Variants in TMEM17 observed in about 807,000 individuals in gnomAD.
The protein encoded by TMEM17 is transmembrane protein 17.
A neutral mutation model predicts 19.1 loss-of-function variants in TMEM17; 15 were observed. The ratio of observed to expected loss-of-function variants is 0.78; its 90% confidence interval spans 0.52 to 1.21. The LOEUF is 1.21. Ranked by LOEUF, TMEM17 falls within the 50% of genes most tolerant of loss-of-function variation. The probability of loss-of-function intolerance (pLI) is 0.00; values close to 1 mark genes in which losing one functional copy is unlikely to be tolerated. For synonymous variants in TMEM17, 103 were observed against 86.9 expected, an observed-to-expected ratio of 1.19 and a Z score of -1.03; for missense variants, 245 against 242.3, an observed-to-expected ratio of 1.01 and a Z score of -0.07.
At chr2:62,489,990 C>T in the TMEM17 span, among the ~76,000 whole-genome samples, 1 of 152,026 alleles carries the variant, frequency 6.6e-6, no homozygotes, top group Admixed American at 6.6e-5. Context: ...GCCTAGCCAA[C>T]ACAGTGAAAC....
chr2:62,473,676 C>T, the TMEM17 span, among the ~76,000 whole-genome samples: 1 of 152,168 alleles, frequency 6.6e-6, no homozygotes. Context: ...AGCAGGTGGG[C>T]AGACCACAGC....
the TMEM17 span, among the ~76,000 whole-genome samples, chr2:62,485,745 C>G: frequency 2.0e-5 from 3 of 152,046 alleles, no homozygotes; most frequent in African/African-American, 7.2e-5. Context: ...TTGGAGACAC[C>G]AACAGAAGAC....
At chr2:62,503,563 A>T (rs11892686) in intron 1 of TMEM17, among the ~76,000 whole-genome samples, 4,753 of 152,308 alleles carry the variant, frequency 0.031, 191 homozygotes, top group African/African-American at 0.095. Context: ...TTCATCTGTA[A>T]AATAGTGAAA....
At chr2:62,473,084 C>T in the TMEM17 span, among the ~76,000 whole-genome samples, 1 of 152,176 alleles carries the variant, frequency 6.6e-6, no homozygotes, top group Non-Finnish European at 1.5e-5. Context: ...GGTGGCTTCT[C>T]ACCTAGAGAT....
chr2:62,476,046 C>T, the TMEM17 span, among the ~76,000 whole-genome samples: 2 of 152,214 alleles, frequency 1.3e-5, no homozygotes, highest in African/African-American at 4.8e-5. Flanking sequence ...CCACTGCCTG[C>T]GTGCCCAGCA....
the TMEM17 span, among the ~76,000 whole-genome samples, chr2:62,471,858 T>G: frequency 7.2e-5 from 11 of 152,256 alleles, no homozygotes. Context: ...GTCTGAACTC[T>G]TCTCCACGGG....
chr2:62,502,402 T>C (rs763525632), intron 3 of TMEM17, 35 bp downstream of exon 3: 1 of 1,400,390 alleles, frequency 7.1e-7, no homozygotes, highest in East Asian at 2.3e-5. Context: ...ATTTCATTTA[T>C]ATCTATCACT....
intron 1 of TMEM17, 127 bp downstream of exon 1, chr2:62,505,903 C>A: frequency 7.3e-6 from 7 of 964,332 alleles, no homozygotes; most frequent in Non-Finnish European, 1.1e-5. Context: ...AAGGCGCTCT[C>A]CCGCACTGCG....
downstream of TMEM17, among the ~76,000 whole-genome samples, chr2:62,496,674 T>C (rs1029652283): frequency 6.6e-6 from 1 of 152,256 alleles, no homozygotes; most frequent in Non-Finnish European, 1.5e-5. Flanking sequence ...GATTTTTCTT[T>C]ACTCTCAAAT....
chr2:62,476,607 A>G, the TMEM17 span, among the ~76,000 whole-genome samples: 1 of 152,256 alleles, frequency 6.6e-6, no homozygotes, highest in Non-Finnish European at 1.5e-5. Flanking sequence ...ATCAGGGACT[A>G]TCTGTATGTA....
chr2:62,488,035 T>C, the TMEM17 span, among the ~76,000 whole-genome samples: 1 of 152,194 alleles, frequency 6.6e-6, no homozygotes, highest in Non-Finnish European at 1.5e-5. Flanking sequence ...AGTTAAGCTA[T>C]GGGCCACGGT....
chr2:62,503,062 G>A (rs879485033), intron 1 of TMEM17, among the ~76,000 whole-genome samples: 2 of 151,974 alleles, frequency 1.3e-5, no homozygotes, highest in Non-Finnish European at 2.9e-5. Flanking sequence ...TATACTACTG[G>A]TATAGATTTA....
chr2:62,482,783 T>C, the TMEM17 span, among the ~76,000 whole-genome samples: 3 of 152,326 alleles, frequency 2.0e-5, no homozygotes, highest in Middle Eastern at 3.4e-3. Context: ...TTTGGGACCC[T>C]TGATGCAGCC....
chr2:62,486,616 A>T, the TMEM17 span, among the ~76,000 whole-genome samples: 3 of 152,178 alleles, frequency 2.0e-5, no homozygotes, highest in South Asian at 6.2e-4. Context: ...AACTCCTGCT[A>T]ACAGGGAAAT....
At chr2:62,453,652 T>G in the TMEM17 span, among the ~76,000 whole-genome samples, 1 of 152,254 alleles carries the variant, frequency 6.6e-6, no homozygotes, top group African/African-American at 2.4e-5. Flanking sequence ...CAAAAACCTC[T>G]GTAGACCTTT....
Position 62,500,983 on chromosome 2 carries a change from A to G in TMEM17, c.*226T>C. 2.5e-6 allele frequency: 1 copy of G among 394,736 alleles called. No individual in the cohort carries two copies. The highest frequency in any genetic ancestry group is 4.4e-6 in the Non-Finnish European group (1 of 225,840). 24.5% of individuals were successfully genotyped at this position (394,736 alleles called of 1,614,324 possible). ...CTGAAAAAGACAACAACATCAAAAA[A>G]AATTAAGAAATTTGGCATCAGGTGG... is the stretch of plus-strand genomic sequence containing the variant. On this transcript the variant is annotated 3_prime_UTR_variant, in exon 4 of 4. Transcript: ENST00000335390.
At chr2:62,483,549 AACCCTAG>A in the TMEM17 span, among the ~76,000 whole-genome samples, 2 of 151,946 alleles carry the variant, frequency 1.3e-5, no homozygotes, top group Admixed American at 1.3e-4. Context: ...CCAAATCCTA[AACCCTAG>A]ATATTAAGTT....
At chr2:62,476,473 A>T in the TMEM17 span, among the ~76,000 whole-genome samples, 1 of 152,222 alleles carries the variant, frequency 6.6e-6, no homozygotes, top group African/African-American at 2.4e-5. Context: ...GGCACTCTTC[A>T]GCTTATGATG....
chr2:62,468,757 C>A, the TMEM17 span, among the ~76,000 whole-genome samples: 1 of 152,212 alleles, frequency 6.6e-6, no homozygotes, highest in African/African-American at 2.4e-5. Context: ...TGTTTGCCAG[C>A]AAGGCCGATT....
Sources: gnomAD v4.1 joint callset for allele counts (sites outside exome capture counted in the v4.1 genomes callset) on GRCh38, gnomAD v4.1.1 for gene constraint, MANE v1.5 for transcripts, NCBI Gene and HGNC (gene_info 2026-07-23, HGNC 2026-07-21) for gene names.